UNC13C: variants seen among roughly 807,000 people sequenced by gnomAD.
UNC13C encodes the protein unc-13 homolog C.
UNC13C carries 174 observed loss-of-function variants against 245.4 expected under a neutral mutation model. The observed-to-expected ratio is 0.71, with a 90% CI of 0.63 to 0.80. UNC13C has a LOEUF of 0.80. Ranked by LOEUF, UNC13C falls within the 30% of genes least tolerant of loss-of-function variation. The pLI, the probability that UNC13C is intolerant of heterozygous loss-of-function variation, is 0.00. For synonymous variants in UNC13C, 992 were observed against 895.1 expected (o/e 1.11, Z -1.93); for missense variants, 2,829 against 2,602.9 (o/e 1.09, Z -1.89).
chr15:53,953,186 A>G, the UNC13C span, among the ~76,000 whole-genome samples: 1 of 152,202 alleles, frequency 6.6e-6, no homozygotes. Flanking sequence ...TCAGAGTCAC[A>G]TGGTTAAATG....
chr15:53,949,015 A>G, the UNC13C span, among the ~76,000 whole-genome samples: 1 of 152,228 alleles, frequency 6.6e-6, no homozygotes, highest in Non-Finnish European at 1.5e-5. Flanking sequence ...TGTTCTAGGG[A>G]TTGAAGATAC....
intron 4 of UNC13C, among the ~76,000 whole-genome samples, chr15:54,165,649 T>A (rs1003922514): frequency 6.6e-6 from 1 of 152,008 alleles, no homozygotes; most frequent in Admixed American, 6.6e-5. Flanking sequence ...AATCAGCATT[T>A]TGACATCAGG....
intron 19 of UNC13C, among the ~76,000 whole-genome samples, chr15:54,457,576 T>C (rs1298402150): frequency 6.6e-6 from 1 of 152,018 alleles, no homozygotes; most frequent in Admixed American, 6.6e-5. Flanking sequence ...CTGTTCCGAG[T>C]TTCTATTTTT....
intron 2 of UNC13C, among the ~76,000 whole-genome samples, chr15:54,125,246 G>A (rs907338313): frequency 6.6e-6 from 1 of 152,128 alleles, no homozygotes. Context: ...GGTGGATCGT[G>A]AGGTCAGGCA....
intron 19 of UNC13C, among the ~76,000 whole-genome samples, chr15:54,475,479 C>A (rs1334702369): frequency 2.6e-5 from 4 of 151,612 alleles, no homozygotes; most frequent in Non-Finnish European, 5.9e-5. Context: ...CACAACAGTC[C>A]CCAGACTGTG....
chr15:54,144,863 T>C (rs1043010143), intron 4 of UNC13C, among the ~76,000 whole-genome samples: 1 of 152,098 alleles, frequency 6.6e-6, no homozygotes, highest in Non-Finnish European at 1.5e-5. Context: ...AATTTGTGGA[T>C]CAATGCTTAT....
At chr15:54,095,656 G>T (rs1056078726) in intron 2 of UNC13C, among the ~76,000 whole-genome samples, 2 of 152,178 alleles carry the variant, frequency 1.3e-5, no homozygotes, top group Non-Finnish European at 2.9e-5. Flanking sequence ...CTGGTGCCCA[G>T]GCGATTTATA....
At chr15:53,933,865 G>A in the UNC13C span, among the ~76,000 whole-genome samples, 2 of 152,190 alleles carry the variant, frequency 1.3e-5, no homozygotes, top group African/African-American at 4.8e-5. Context: ...CAAGAATGAT[G>A]TGTTAGGCCA....
chr15:54,624,904 C>T (rs554530538), intron 32 of UNC13C, among the ~76,000 whole-genome samples: 1 of 152,008 alleles, frequency 6.6e-6, no homozygotes, highest in Non-Finnish European at 1.5e-5. Flanking sequence ...GGAACTGGGG[C>T]TAATAGTAAC....
intron 2 of UNC13C, among the ~76,000 whole-genome samples, chr15:54,139,767 C>A (rs1332500628): frequency 6.6e-6 from 1 of 152,056 alleles, no homozygotes; most frequent in Non-Finnish European, 1.5e-5. Flanking sequence ...ATTTAAAAAT[C>A]TCTTTCCATA....
intron 2 of UNC13C, among the ~76,000 whole-genome samples, chr15:54,089,439 T>C (rs1899435674): frequency 6.6e-6 from 1 of 152,128 alleles, no homozygotes; most frequent in South Asian, 2.1e-4. Flanking sequence ...TTTCAATTAC[T>C]CGTGTGTAGA....
intron 13 of UNC13C, among the ~76,000 whole-genome samples, chr15:54,317,213 G>A (rs1217055109): frequency 6.6e-6 from 1 of 151,780 alleles, no homozygotes; most frequent in Non-Finnish European, 1.5e-5. Flanking sequence ...ATGTAAGTTG[G>A]ACATTACTTT....
chr15:54,284,148 A>G (rs1390510286), intron 10 of UNC13C, among the ~76,000 whole-genome samples: 3 of 152,206 alleles, frequency 2.0e-5, no homozygotes, highest in Admixed American at 6.5e-5. Flanking sequence ...GAAAGAACAC[A>G]TATCGCCACT....
intron 24 of UNC13C, among the ~76,000 whole-genome samples, chr15:54,518,321 C>T (rs536731823): frequency 6.6e-6 from 1 of 152,020 alleles, no homozygotes; most frequent in Non-Finnish European, 1.5e-5. Flanking sequence ...GAAATACAGA[C>T]CCAGGCAGGT....
At chr15:53,856,451 T>C in the UNC13C span, among the ~76,000 whole-genome samples, 1 of 152,104 alleles carries the variant, frequency 6.6e-6, no homozygotes, top group Admixed American at 6.6e-5. Flanking sequence ...TTTAGTGCTA[T>C]AACATTGCTT....
chr15:54,473,222 TA>T (rs66695620), intron 19 of UNC13C, among the ~76,000 whole-genome samples: 46,442 of 151,294 alleles, frequency 0.31, 7,545 homozygotes, highest in East Asian at 0.5. Flanking sequence ...TATTTTATTT[TA>T]TTTTATTGAT....
At chr15:53,910,017 C>G in the UNC13C span, among the ~76,000 whole-genome samples, 1 of 139,512 alleles carries the variant, frequency 7.2e-6, no homozygotes, top group African/African-American at 2.5e-5. Flanking sequence ...TTTAATTTGC[C>G]TTGGAGCCAA....
intron 4 of UNC13C, among the ~76,000 whole-genome samples, chr15:54,150,077 T>G (rs150984650): frequency 9.6e-4 from 147 of 152,344 alleles, no homozygotes; most frequent in African/African-American, 3.4e-3. Flanking sequence ...TTGAATATAT[T>G]TCTTGATTCC....
At chr15:54,152,983 C>A (rs942966879) in intron 4 of UNC13C, among the ~76,000 whole-genome samples, 2 of 152,088 alleles carry the variant, frequency 1.3e-5, no homozygotes, top group Non-Finnish European at 2.9e-5. Flanking sequence ...CATAGATTCC[C>A]TCTTACAGAC....
Sources: gnomAD v4.1 joint callset for allele counts (sites outside exome capture counted in the v4.1 genomes callset) on GRCh38, gnomAD v4.1.1 for gene constraint, MANE v1.5 for transcripts, NCBI Gene and HGNC (gene_info 2026-07-23, HGNC 2026-07-21) for gene names.